The following PLCB4 variants were observed in gnomAD, a reference collection of about 807,000 sequenced individuals.
PLCB4 encodes the protein 1-phosphatidylinositol 4,5-bisphosphate phosphodiesterase beta-4.
A neutral mutation model predicts 178.8 loss-of-function variants in PLCB4; 77 were observed. That is an observed-to-expected ratio of 0.43 (90% confidence interval 0.36 to 0.52). The LOEUF is 0.52. PLCB4 is among the 20% of genes least tolerant of loss of function. The pLI is 0.00. For missense variants in PLCB4, 1,024 were observed against 1,453.4 expected (o/e 0.70, Z 4.80); for synonymous variants, 496 against 490.8 (o/e 1.01, Z -0.14).
rs1215782840 is a variant in PLCB4 at position 9,408,703 on chromosome 20, A to G, written c.1860A>G (p.Ala620=). 1.3e-6 allele frequency: 2 copies of G among 1,563,390 alleles called. No individual in the cohort carries two copies. ...GTCTTGGCTACTTGAAGACACATGC[A>G]ATTGAATTTGTCAAGTATCCTTATG... The part of the protein sequence containing the change: ...SVGLGYLKTH[A]IEFVNYNKRQ... Residue 620 remains alanine (A), a synonymous_variant, in exon 23 of 40, where the codon GCA becomes GCG. Coordinates refer to ENST00000378473, the MANE Select transcript of PLCB4 (RefSeq NM_001377142.1).
At chr20:9,374,772 C>G (rs2036531958) in intron 12 of PLCB4, among the ~76,000 whole-genome samples, 1 of 151,998 alleles carries the variant, frequency 6.6e-6, no homozygotes, top group African/African-American at 2.4e-5. Context: ...GTTGGTGCTC[C>G]CAACAGTCAC....
At chr20:9,196,127 T>C (rs1460189890) in intron 2 of PLCB4, among the ~76,000 whole-genome samples, 3 of 152,184 alleles carry the variant, frequency 2.0e-5, no homozygotes. Context: ...CTGTAGTAAT[T>C]ACAGAGGCAG....
intron 32 of PLCB4, among the ~76,000 whole-genome samples, chr20:9,445,248 A>G (rs2042345865): frequency 6.6e-6 from 1 of 152,226 alleles, no homozygotes; most frequent in Admixed American, 6.5e-5. Context: ...CTGGTAGGAT[A>G]ATGTCTGTCC....
At chr20:9,286,883 T>A (rs2147736118) in intron 3 of PLCB4, among the ~76,000 whole-genome samples, 1 of 152,068 alleles carries the variant, frequency 6.6e-6, no homozygotes, top group South Asian at 2.1e-4. Context: ...GCTTCCATGG[T>A]CACCTTCCTG....
Position 9,445,805 on chromosome 20 carries a change from A to G in PLCB4, c.2880+1562A>G, listed in dbSNP as rs7261321. ...TGAACTATGGAAAGCCAACAGAAAA[A>G]GAGTAAGAATGAGAAATAAGAGAGA... On this transcript the variant is annotated intron_variant, in intron 32 of 39. Coordinates refer to ENST00000378473, the MANE Select transcript of PLCB4 (RefSeq NM_001377142.1). Among the ~76,000 whole-genome samples the G allele has an allele frequency of 5.9e-5, 9 of 152,342 alleles. 1 individual carries two copies. Among genetic ancestry groups the G allele is most frequent in the African/African-American group, 1.9e-4 (8 of 41,574 alleles).
intron 35 of PLCB4, among the ~76,000 whole-genome samples, chr20:9,465,624 T>G (rs2043720378): frequency 6.6e-6 from 1 of 152,058 alleles, no homozygotes; most frequent in Non-Finnish European, 1.5e-5. Flanking sequence ...ATCACAAGCG[T>G]TCCTATACAC....
At chr20:9,397,956 T>G (rs1178315753) in intron 19 of PLCB4, among the ~76,000 whole-genome samples, 1 of 152,180 alleles carries the variant, frequency 6.6e-6, no homozygotes, top group Non-Finnish European at 1.5e-5. Flanking sequence ...ACTGGTTCCC[T>G]TGGGTGGGTT....
At chr20:9,226,156 C>G (rs1426930266) in intron 3 of PLCB4, among the ~76,000 whole-genome samples, 1 of 152,202 alleles carries the variant, frequency 6.6e-6, no homozygotes, top group Non-Finnish European at 1.5e-5. Flanking sequence ...TCTCCTGACC[C>G]TTTCCGTATG....
chr20:9,165,523 A>T (rs1438776611), intron 2 of PLCB4, among the ~76,000 whole-genome samples: 1 of 152,124 alleles, frequency 6.6e-6, no homozygotes, highest in Non-Finnish European at 1.5e-5. Context: ...TTCTCTCTGG[A>T]TGCCTCTCAA....
At chr20:9,079,709 GAAAAT>G (rs2090054016) in intron 1 of PLCB4, among the ~76,000 whole-genome samples, 1 of 152,164 alleles carries the variant, frequency 6.6e-6, no homozygotes, top group South Asian at 2.1e-4. Context: ...TGTGGACAAA[GAAAAT>G]AAAACTGCAT....
intron 2 of PLCB4, among the ~76,000 whole-genome samples, chr20:9,202,349 A>T (rs533180788): frequency 6.6e-6 from 1 of 152,332 alleles, no homozygotes; most frequent in South Asian, 2.1e-4. Flanking sequence ...TGCACATGAG[A>T]GAGTCTATTT....
At chr20:9,262,920 A>T (rs1001982397) in intron 3 of PLCB4, among the ~76,000 whole-genome samples, 6 of 152,162 alleles carry the variant, frequency 3.9e-5, no homozygotes, top group Admixed American at 6.6e-5. Context: ...AGGATCTAAA[A>T]ATATGAACTG....
intron 2 of PLCB4, among the ~76,000 whole-genome samples, chr20:9,126,771 CTTTT>C (rs34634088): frequency 8.4e-6 from 1 of 119,674 alleles, no homozygotes. Context: ...ATTTCATTTG[CTTTT>C]TTTTTTTTTT....
chr20:9,474,046 G>A lies in PLCB4; in HGVS notation c.3495+681G>A, dbSNP rs1434390118. Reference sequence around the variant, plus strand: ...ATCCTGGCCAACATGGTGAAGCCCCGTCTCTACTAAAAATACAAAAATTAG... The same window carrying A: ...ATCCTGGCCAACATGGTGAAGCCCCATCTCTACTAAAAATACAAAAATTAG... On this transcript the variant is annotated intron_variant, in intron 38 of 39. Coordinates refer to ENST00000378473, the MANE Select transcript of PLCB4 (RefSeq NM_001377142.1). 3.9e-5 allele frequency among the ~76,000 whole-genome samples: 6 copies of A among 152,098 alleles called. No homozygotes were observed. In the East Asian group the frequency reaches 5.8e-4, roughly 15 times the overall value.
intron 3 of PLCB4, among the ~76,000 whole-genome samples, chr20:9,237,164 G>A (rs1027818956): frequency 2.6e-5 from 4 of 151,986 alleles, no homozygotes; most frequent in Non-Finnish European, 5.9e-5. Context: ...ATTCACATGT[G>A]GGAAAATGTA....
chr20:9,224,794 G>A (rs997949570), intron 3 of PLCB4, among the ~76,000 whole-genome samples: 2 of 152,160 alleles, frequency 1.3e-5, no homozygotes, highest in Admixed American at 6.6e-5. Flanking sequence ...TGACCTTTGA[G>A]AGAGAACTTT....
At chr20:9,250,246 A>G (rs868206647) in intron 3 of PLCB4, among the ~76,000 whole-genome samples, 3 of 152,322 alleles carry the variant, frequency 2.0e-5, no homozygotes, top group Admixed American at 1.3e-4. Flanking sequence ...AAAGTGACGG[A>G]CACACTCTGT....
At chr20:9,272,514 A>G (rs1052380775) in intron 3 of PLCB4, among the ~76,000 whole-genome samples, 1 of 151,962 alleles carries the variant, frequency 6.6e-6, no homozygotes, top group Non-Finnish European at 1.5e-5. Flanking sequence ...CTCAACCCCT[A>G]TCTCCTCTCC....
intron 3 of PLCB4, among the ~76,000 whole-genome samples, chr20:9,302,990 G>C (rs906514874): frequency 1.3e-5 from 2 of 152,064 alleles, no homozygotes; most frequent in Non-Finnish European, 2.9e-5. Context: ...ATAAAATTCT[G>C]CAGAAAAGAG....
Sources: gnomAD v4.1 joint callset for allele counts (sites outside exome capture counted in the v4.1 genomes callset) on GRCh38, gnomAD v4.1.1 for gene constraint, MANE v1.5 for transcripts, NCBI Gene and HGNC (gene_info 2026-07-23, HGNC 2026-07-21) for gene names.